RABGEF1: variants seen among roughly 807,000 people sequenced by gnomAD.
RABGEF1 encodes the protein RAB guanine nucleotide exchange factor 1.
Under a neutral mutation model 57.3 loss-of-function variants are expected in RABGEF1, and 26 were observed. The observed-to-expected ratio is 0.45, with a 90% CI of 0.33 to 0.63. RABGEF1 has a LOEUF of 0.63. Among genes scored for constraint, RABGEF1 ranks in the 20% least tolerant of loss-of-function variants. The pLI, the probability that RABGEF1 is intolerant of heterozygous loss-of-function variation, is 0.02. For missense variants in RABGEF1, 464 were observed against 607.6 expected (o/e 0.76, Z 2.48); for synonymous variants, 185 against 210.7 (o/e 0.88, Z 1.06).
chr7:66,751,320 C>A (rs1023567663), intron 1 of RABGEF1, among the ~76,000 whole-genome samples: 1 of 152,224 alleles, frequency 6.6e-6, no homozygotes, highest in Non-Finnish European at 1.5e-5. Context: ...CGTGAGCCAC[C>A]GTACCTGGCC....
chr7:66,779,926 C>T (rs1276486936), intron 3 of RABGEF1, among the ~76,000 whole-genome samples: 1 of 152,158 alleles, frequency 6.6e-6, no homozygotes, highest in Non-Finnish European at 1.5e-5. Context: ...AACTTCTGGC[C>T]TCTTAGTAGG....
At chr7:66,781,037 G>C (rs912026150) in intron 3 of RABGEF1, among the ~76,000 whole-genome samples, 1 of 152,032 alleles carries the variant, frequency 6.6e-6, no homozygotes, top group Non-Finnish European at 1.5e-5. Flanking sequence ...TATATTTAAT[G>C]TGATTTTTGA....
intron 7 of RABGEF1, among the ~76,000 whole-genome samples, chr7:66,802,057 G>T (rs1295878107): frequency 6.6e-6 from 1 of 152,090 alleles, no homozygotes; most frequent in African/African-American, 2.4e-5. Flanking sequence ...CCACAGGCAC[G>T]TGCCACCACA....
At chr7:66,716,939 C>T (rs1185918770) in intron 2 of RABGEF1, among the ~76,000 whole-genome samples, 1 of 152,066 alleles carries the variant, frequency 6.6e-6, no homozygotes, top group Admixed American at 6.6e-5. Context: ...CTGCCATACC[C>T]CACTAAGTTT....
At chr7:66,720,757 CTG>C (rs1795954799) in intron 2 of RABGEF1, among the ~76,000 whole-genome samples, 1 of 152,170 alleles carries the variant, frequency 6.6e-6, no homozygotes, top group East Asian at 1.9e-4. Context: ...GGAAGTAACA[CTG>C]TTCTTATTGC....
At chr7:66,771,804 C>A in intron 1 of RABGEF1, 79 bp from the exon 2 acceptor site, 1 of 1,060,270 alleles carries the variant, frequency 9.4e-7, no homozygotes, top group Non-Finnish European at 1.3e-6. Flanking sequence ...TGGAATCACT[C>A]ACTTTTTGTT....
intron 1 of RABGEF1, among the ~76,000 whole-genome samples, chr7:66,700,341 G>C (rs1404067481): frequency 6.6e-6 from 1 of 152,236 alleles, no homozygotes; most frequent in Non-Finnish European, 1.5e-5. Flanking sequence ...AAGGGGTCCT[G>C]CCTGTGTAGG....
At chr7:66,699,691 C>CA (rs66868045) in intron 1 of RABGEF1, among the ~76,000 whole-genome samples, 14,930 of 136,230 alleles carry the variant, frequency 0.11, 805 homozygotes, top group Non-Finnish European at 0.12. Flanking sequence ...AATTCCATCT[C>CA]AAAAAAAAAA....
At chr7:66,758,609 G>T (rs775538050) in intron 1 of RABGEF1, among the ~76,000 whole-genome samples, 3 of 152,152 alleles carry the variant, frequency 2.0e-5, no homozygotes, top group African/African-American at 4.8e-5. Flanking sequence ...TGAGTCTCAC[G>T]CAGCTGATCC....
Position 66,809,979 on chromosome 7 carries a change from A to C in RABGEF1, c.*695A>C, listed in dbSNP as rs1007348412. 3 of 152,504 alleles carry C rather than the reference A, an allele frequency of 2.0e-5. No homozygotes were observed. The highest frequency in any genetic ancestry group is 4.4e-5 in the Non-Finnish European group (3 of 68,044). 9.4% of individuals were successfully genotyped at this position (152,504 alleles called of 1,614,324 possible). A position where few individuals can be genotyped will look rare whatever the true frequency, so the allele number is the denominator to read the frequency against. On this transcript the variant is annotated 3_prime_UTR_variant, in exon 9 of 9. Coordinates refer to ENST00000284957, the MANE Select transcript of RABGEF1 (RefSeq NM_014504.3). ...ATGACACCACTAAGGTTCAGAATAA[A>C]GTTTAGGCCACATAAAATTGCTGTT... is the stretch of plus-strand genomic sequence containing the variant.
intron 1 of RABGEF1, among the ~76,000 whole-genome samples, chr7:66,744,580 A>AT (rs947378211): frequency 3.3e-4 from 50 of 149,946 alleles, no homozygotes; most frequent in African/African-American, 1.1e-3. Context: ...AGGCAGGAGA[A>AT]TGGCGTGAAC....
At chr7:66,794,913 A>G (rs991259664) in intron 4 of RABGEF1, among the ~76,000 whole-genome samples, 3 of 152,254 alleles carry the variant, frequency 2.0e-5, no homozygotes, top group African/African-American at 7.2e-5. Context: ...ATAAATAGAA[A>G]TGTACATAAA....
At chr7:66,771,666 G>A (rs1320129372) in intron 1 of RABGEF1, among the ~76,000 whole-genome samples, 1 of 151,790 alleles carries the variant, frequency 6.6e-6, no homozygotes, top group Non-Finnish European at 1.5e-5. Flanking sequence ...TTTGGGCAGG[G>A]AATAAGTCTT....
rs145811538 is a variant in RABGEF1 at position 66,707,285 on chromosome 7, A to C, written c.-872-4882A>C. 3.0e-3 allele frequency among the ~76,000 whole-genome samples: 454 copies of C among 152,358 alleles called. 1 individual carries two copies. Among genetic ancestry groups the C allele is most frequent in the African/African-American group, 0.011 (444 of 41,586 alleles). On this transcript the variant is annotated intron_variant and NMD_transcript_variant, in intron 1 of 9. Transcript: ENST00000607882. Reference sequence around the variant, plus strand: ...GTGGAGAATGTTTCATGTGTACTTCAGAAGAATGTGTATCATATTGTTGTT... The same window carrying C: ...GTGGAGAATGTTTCATGTGTACTTCCGAAGAATGTGTATCATATTGTTGTT...
At chr7:66,803,969 T>C (rs2129187044) in intron 7 of RABGEF1, among the ~76,000 whole-genome samples, 1 of 152,272 alleles carries the variant, frequency 6.6e-6, no homozygotes, top group Admixed American at 6.5e-5. Flanking sequence ...ATTCCCTTGC[T>C]TGATCCCCTC....
intron 8 of RABGEF1, chr7:66,808,127 G>A (rs1788822855): frequency 6.6e-6 from 1 of 152,068 alleles, no homozygotes; most frequent in Non-Finnish European, 1.5e-5. Context: ...AAACCTCAGA[G>A]AGCTTAAGTA....
At chr7:66,708,994 G>C (rs1488276617) in intron 1 of RABGEF1, among the ~76,000 whole-genome samples, 1 of 151,564 alleles carries the variant, frequency 6.6e-6, no homozygotes, top group Non-Finnish European at 1.5e-5. Context: ...TTCTGCATCA[G>C]TAGTATGACC....
the RABGEF1 span, among the ~76,000 whole-genome samples, chr7:66,673,985 G>C: frequency 6.6e-6 from 1 of 152,258 alleles, no homozygotes; most frequent in Admixed American, 6.5e-5. Flanking sequence ...AGTTCGTTCA[G>C]ATATTATGGT....
chr7:66,706,273 A>G (rs1168289834), intron 1 of RABGEF1, among the ~76,000 whole-genome samples: 3 of 152,064 alleles, frequency 2.0e-5, no homozygotes, highest in African/African-American at 7.2e-5. Context: ...TAAAACTGAT[A>G]TGAACATTTT....
Sources: gnomAD v4.1 joint callset for allele counts (sites outside exome capture counted in the v4.1 genomes callset) on GRCh38, gnomAD v4.1.1 for gene constraint, MANE v1.5 for transcripts, NCBI Gene and HGNC (gene_info 2026-07-23, HGNC 2026-07-21) for gene names.